Variants in GPC6 observed in about 807,000 individuals in gnomAD.
GPC6 encodes glypican 6, also known as glypican-6.
GPC6 carries 14 observed loss-of-function variants against 55.2 expected under a neutral mutation model. That is an observed-to-expected ratio of 0.25 (90% confidence interval 0.17 to 0.40). The LOEUF (loss-of-function observed/expected upper bound fraction) is 0.40, where lower values mean the gene tolerates loss of function less well. Among genes scored for constraint, GPC6 ranks in the 10% least tolerant of loss-of-function variants. The probability of loss-of-function intolerance (pLI) is 1.00; values close to 1 mark genes in which losing one functional copy is unlikely to be tolerated. For synonymous variants in GPC6, 278 were observed against 259.6 expected (o/e 1.07, Z -0.68); for missense variants, 641 against 708.5 (o/e 0.90, Z 1.08).
At chr13:94,193,742 C>T (rs1361615682) in intron 4 of GPC6, among the ~76,000 whole-genome samples, 1 of 152,126 alleles carries the variant, frequency 6.6e-6, no homozygotes, top group African/African-American at 2.4e-5. Flanking sequence ...TGATCATTGT[C>T]GTCATGCAGT....
At chr13:93,374,792 T>C (rs757301341) in intron 1 of GPC6, among the ~76,000 whole-genome samples, 2 of 152,240 alleles carry the variant, frequency 1.3e-5, no homozygotes, top group Non-Finnish European at 2.9e-5. Flanking sequence ...GATATGGTAA[T>C]CATATTTTTA....
At chr13:93,878,876 G>T (rs900422574) in intron 3 of GPC6, among the ~76,000 whole-genome samples, 2 of 152,018 alleles carry the variant, frequency 1.3e-5, no homozygotes, top group Non-Finnish European at 2.9e-5. Flanking sequence ...AGCACAAATC[G>T]ACCAAGAGAG....
chr13:93,254,726 G>A (rs967163437), intron 1 of GPC6, among the ~76,000 whole-genome samples: 7 of 152,062 alleles, frequency 4.6e-5, no homozygotes, highest in Non-Finnish European at 8.8e-5. Context: ...AATAGAGAGA[G>A]TGAGGATGCC....
Position 93,511,249 on chromosome 13 carries a change from C to T in GPC6, c.161-34014C>T, listed in dbSNP as rs920132572. Reference sequence around the variant, plus strand: ...TTGTCTGATCTTTTAAGGTCTTAGTCGTAAGTTCTTTGTCTAGAACAATAT... The same window carrying T: ...TTGTCTGATCTTTTAAGGTCTTAGTTGTAAGTTCTTTGTCTAGAACAATAT... On this transcript the variant is annotated intron_variant, in intron 1 of 8. Coordinates refer to ENST00000377047, the MANE Select transcript of GPC6 (RefSeq NM_005708.5). 3.3e-5 allele frequency among the ~76,000 whole-genome samples: 5 copies of T among 151,036 alleles called. No individual in the cohort carries two copies. The East Asian group carries it at 5.8e-4, about 18-fold the overall frequency.
chr13:93,557,376 G>T (rs1034824775), intron 2 of GPC6, among the ~76,000 whole-genome samples: 3 of 151,978 alleles, frequency 2.0e-5, no homozygotes, highest in African/African-American at 4.8e-5. Context: ...CTGAAGATCT[G>T]TGTAATATAT....
intron 6 of GPC6, among the ~76,000 whole-genome samples, chr13:94,316,254 C>T (rs1205421267): frequency 6.6e-6 from 1 of 152,158 alleles, no homozygotes; most frequent in Non-Finnish European, 1.5e-5. Context: ...AAACCATCAT[C>T]CTTTTTCGGT....
At chr13:93,287,622 T>G (rs931836415) in intron 1 of GPC6, among the ~76,000 whole-genome samples, 4 of 152,232 alleles carry the variant, frequency 2.6e-5, no homozygotes, top group African/African-American at 9.6e-5. Context: ...TAGCACATAT[T>G]GCATTTATAA....
At chr13:93,226,325 T>TA (rs781762470), upstream of GPC6, among the ~76,000 whole-genome samples, 2 of 151,858 alleles carry the variant, frequency 1.3e-5, no homozygotes, top group African/African-American at 4.8e-5. Context: ...ATATTTGAAA[T>TA]AAAAAAAGGG....
intron 3 of GPC6, among the ~76,000 whole-genome samples, chr13:93,943,211 T>C (rs1878822338): frequency 6.6e-6 from 1 of 152,190 alleles, no homozygotes; most frequent in Non-Finnish European, 1.5e-5. Flanking sequence ...CTATGTACAG[T>C]ATACTGAATT....
chr13:93,602,818 A>C (rs1212302282), intron 2 of GPC6, among the ~76,000 whole-genome samples: 2 of 152,286 alleles, frequency 1.3e-5, no homozygotes, highest in East Asian at 3.9e-4. Context: ...TACACACTAC[A>C]TGTCAAGAAA....
intron 2 of GPC6, among the ~76,000 whole-genome samples, chr13:93,660,864 T>C (rs1880894291): frequency 6.6e-6 from 1 of 152,198 alleles, no homozygotes; most frequent in African/African-American, 2.4e-5. Flanking sequence ...AATGATGCAA[T>C]AGCAGCAGGC....
rs950391886 is a variant in GPC6, at chr13:93,573,477, CA to C, written c.319+28066del. On this transcript the variant is annotated intron_variant, in intron 2 of 8. Coordinates refer to ENST00000377047, the MANE Select transcript of GPC6 (RefSeq NM_005708.5). Reference sequence around the variant, plus strand: ...ATGGATTTTAATATCTGGGAAACTACAAAAAAAAAAGTTTAAATTTTATTTT... The same window carrying C: ...ATGGATTTTAATATCTGGGAAACTACAAAAAAAAAGTTTAAATTTTATTTT... Among the ~76,000 whole-genome samples the C allele has an allele frequency of 1.6e-4, 23 of 143,806 alleles. 1 individual carries two copies. Among genetic ancestry groups the C allele is most frequent in the African/African-American group, 3.3e-4 (13 of 39,140 alleles). The allele number at this position is 143,806 out of a possible 152,430, so 94.3% of individuals were successfully genotyped here.
At chr13:93,221,678 C>CT in the GPC6 span, among the ~76,000 whole-genome samples, 3 of 152,186 alleles carry the variant, frequency 2.0e-5, no homozygotes, top group African/African-American at 7.2e-5. Flanking sequence ...GGTCATTATT[C>CT]ACCCAGGTTT....
chr13:94,253,898 C>A (rs1227170862), intron 4 of GPC6, among the ~76,000 whole-genome samples: 1 of 152,064 alleles, frequency 6.6e-6, no homozygotes, highest in East Asian at 1.9e-4. Flanking sequence ...TATGTACATT[C>A]CTTGAATTTT....
intron 1 of GPC6, among the ~76,000 whole-genome samples, chr13:93,528,641 T>A (rs1881744142): frequency 6.6e-6 from 1 of 152,162 alleles, no homozygotes; most frequent in South Asian, 2.1e-4. Context: ...AATATGAAGT[T>A]TTTGGCATCT....
At chr13:94,024,297 A>T (rs1882811806) in intron 3 of GPC6, among the ~76,000 whole-genome samples, 1 of 152,152 alleles carries the variant, frequency 6.6e-6, no homozygotes, top group African/African-American at 2.4e-5. Context: ...ATTATTTTTT[A>T]AACTATTTTT....
chr13:93,789,509 C>CTA (rs201331720), intron 2 of GPC6, among the ~76,000 whole-genome samples: 1,951 of 93,374 alleles, frequency 0.021, 55 homozygotes, highest in East Asian at 0.072. Context: ...CTCTCTCTCT[C>CTA]TATATATATA....
At chr13:94,380,358 G>A (rs988049489) in intron 6 of GPC6, among the ~76,000 whole-genome samples, 1 of 152,080 alleles carries the variant, frequency 6.6e-6, no homozygotes, top group Non-Finnish European at 1.5e-5. Context: ...CGCCTTTAAT[G>A]GAGGTTAGGG....
chr13:93,402,624 G>A (rs2762097), intron 1 of GPC6, among the ~76,000 whole-genome samples: 16,451 of 152,144 alleles, frequency 0.11, 980 homozygotes, highest in South Asian at 0.12. Flanking sequence ...GTAGCCATAT[G>A]TGCCTTGATT....
Sources: gnomAD v4.1 joint callset for allele counts (sites outside exome capture counted in the v4.1 genomes callset) on GRCh38, gnomAD v4.1.1 for gene constraint, MANE v1.5 for transcripts, NCBI Gene and HGNC (gene_info 2026-07-23, HGNC 2026-07-21) for gene names.